Variants in CCDC13 observed in about 807,000 individuals in gnomAD.
CCDC13 encodes the protein coiled-coil domain containing 13.
In CCDC13, 70 loss-of-function variants were observed where a neutral mutation model predicts 87.3. That is an observed-to-expected ratio of 0.80 (90% CI 0.66 to 0.98). The LOEUF (loss-of-function observed/expected upper bound fraction) is 0.98, where lower values mean the gene tolerates loss of function less well. CCDC13 is among the 50% of genes least tolerant of loss of function. The pLI is 0.00. For synonymous variants in CCDC13, 317 were observed against 360.3 expected (o/e 0.88, Z 1.36); for missense variants, 842 against 892.0 (o/e 0.94, Z 0.71).
chr3:42,736,227 A>C (rs1365964832), intron 9 of CCDC13, among the ~76,000 whole-genome samples: 2 of 152,160 alleles, frequency 1.3e-5, no homozygotes, highest in African/African-American at 4.8e-5. Flanking sequence ...TATTTAGCTA[A>C]AAGAAAAGCC....
rs974654289 is a variant in CCDC13 at position 42,717,389 on chromosome 3, G to A, written c.1719-4073C>T. Reference sequence around the variant, plus strand: ...TGCAGTGAGCCGAGATCATGCCATTGCACTCAAGACTCGGCAACAAGCGAG... The same window carrying A: ...TGCAGTGAGCCGAGATCATGCCATTACACTCAAGACTCGGCAACAAGCGAG... On this transcript the variant is annotated intron_variant, in intron 13 of 15. Coordinates refer to ENST00000310232, the MANE Select transcript of CCDC13 (RefSeq NM_144719.4). 2.1e-4 allele frequency among the ~76,000 whole-genome samples: 31 copies of A among 145,238 alleles called. 1 individual carries two copies. The highest frequency in any genetic ancestry group is 1.9e-3 in the South Asian group (9 of 4,652).
At chr3:42,766,370 G>C (rs796197295) in intron 1 of CCDC13, among the ~76,000 whole-genome samples, 8 of 143,196 alleles carry the variant, frequency 5.6e-5, no homozygotes, top group African/African-American at 2.1e-4. Flanking sequence ...GAGAGGGAAG[G>C]AGAGGGAAGA....
At chr3:42,736,784 G>A (rs1033778750) in intron 9 of CCDC13, among the ~76,000 whole-genome samples, 7 of 152,000 alleles carry the variant, frequency 4.6e-5, no homozygotes, top group South Asian at 2.1e-4. Flanking sequence ...ATGATCACCC[G>A]CCCCGGGCCT....
chr3:42,749,199 C>T (rs1039915626), intron 5 of CCDC13, among the ~76,000 whole-genome samples: 1 of 152,168 alleles, frequency 6.6e-6, no homozygotes, highest in African/African-American at 2.4e-5. Context: ...GGAAGCAACA[C>T]CCCTCCACCC....
intron 1 of CCDC13, among the ~76,000 whole-genome samples, chr3:42,759,470 C>T (rs962240457): frequency 9.9e-5 from 15 of 152,218 alleles, no homozygotes; most frequent in African/African-American, 3.6e-4. Flanking sequence ...ATCCCAATCC[C>T]AGGCAAACTC....
chr3:42,727,742 A>G (rs1201682866), intron 13 of CCDC13, among the ~76,000 whole-genome samples: 1 of 152,212 alleles, frequency 6.6e-6, no homozygotes, highest in African/African-American at 2.4e-5. Context: ...AGCAAAACCA[A>G]CTAACTTTAG....
rs1698231103 is a variant in CCDC13 at position 42,708,647 on chromosome 3, G to A, written c.*333C>T. On this transcript the variant is annotated 3_prime_UTR_variant, in exon 16 of 16. Coordinates refer to ENST00000310232, the MANE Select transcript of CCDC13 (RefSeq NM_144719.4). ...ATCCAGGGCTAGTACCTAGGATGAG[G>A]GCGATGAACACCTGCCCGAGGGACT... The A allele has an allele frequency of 4.5e-6, 1 of 223,858 alleles. No homozygotes were observed. The highest frequency in any genetic ancestry group is 1.3e-4 in the East Asian group (1 of 7,892). 13.9% of individuals were successfully genotyped at this position (223,858 alleles called of 1,614,324 possible).
rs1453719545 is a variant in CCDC13 at position 42,757,126 on chromosome 3, T to C, written c.310A>G (p.Arg104Gly). The change falls in exon 3 of 16, where the codon AGG (arginine) becomes GGG (glycine). Residue 104 changes from arginine to glycine, a missense_variant. By Grantham distance (125) the Arg-to-Gly change is moderately radical. Transcript: ENST00000310232. ...NGRLYKLLKE[R>G]DFEIKHLKKK... ...TTGAGGTGTTTGATTTCAAAGTCCC[T>C]TTCCTTCAGCAGCTTATACAATCGC... 6.2e-7 allele frequency: 1 copy of C among 1,614,116 alleles called. No homozygotes were observed. The highest frequency in any genetic ancestry group is 1.3e-5 in the African/African-American group (1 of 74,942).
At chr3:42,738,337 G>C (rs920531401) in intron 9 of CCDC13, among the ~76,000 whole-genome samples, 6 of 152,182 alleles carry the variant, frequency 3.9e-5, no homozygotes, top group African/African-American at 1.4e-4. Context: ...TTTGAAGTCA[G>C]GTACTATGAT....
chr3:42,711,919 G>C (rs1377039118), intron 14 of CCDC13, among the ~76,000 whole-genome samples: 1 of 152,180 alleles, frequency 6.6e-6, no homozygotes, highest in African/African-American at 2.4e-5. Flanking sequence ...CTGGTTGGAA[G>C]TCCTGCTGCC....
chr3:42,759,123 C>T (rs539062646), intron 1 of CCDC13, among the ~76,000 whole-genome samples: 20 of 152,248 alleles, frequency 1.3e-4, no homozygotes, highest in Admixed American at 1.2e-3. Flanking sequence ...GAGTTTGAGA[C>T]CAGCCTGTAT....
rs768639308 is a variant in CCDC13 at position 42,757,104 on chromosome 3, A to G, written c.332T>C (p.Leu111Pro). 1.9e-6 allele frequency: 3 copies of G among 1,613,958 alleles called. No homozygotes were observed. Among genetic ancestry groups the G allele is most frequent in the Non-Finnish European group, 2.5e-6 (3 of 1,180,006 alleles). ...LKERDFEIKH[L>P]KKKIEEDRFA... is the part of the protein sequence containing the mutation. ...TCTGTCCTCTTCTATTTTCTTTTTG[A>G]GGTGTTTGATTTCAAAGTCCCTTTC... Residue 111 changes from leucine (L) to proline (P), a missense_variant, in exon 3 of 16, where the codon CTC (leucine) becomes CCC (proline). By Grantham distance (98) the Leu-to-Pro change is moderately conservative (BLOSUM62 -3). Transcript: ENST00000310232.
At chr3:42,715,903 T>C (rs1423345265) in intron 13 of CCDC13, among the ~76,000 whole-genome samples, 1 of 152,204 alleles carries the variant, frequency 6.6e-6, no homozygotes, top group Non-Finnish European at 1.5e-5. Context: ...GGCACCTTGA[T>C]ATTGGACTTC....
At position 42,752,007 on chromosome 3, in the gene CCDC13, T is replaced by A; in HGVS notation, c.532A>T (p.Arg178Trp). Residue 178 changes from arginine to tryptophan, a missense_variant, in exon 5 of 16, where the codon AGG (arginine) becomes TGG (tryptophan). Arg to Trp is a moderately radical substitution (Grantham distance 101). Coordinates refer to ENST00000310232, the MANE Select transcript of CCDC13 (RefSeq NM_144719.4). The part of the protein sequence containing the change: ...LERELQTALT[R>W]LSAKGATDAG... ...TCGGTGGCCCCCTTGGCTGACAGCC[T>A]GGTCAGGGCTGTCTGCAGCTGAAAA... 6.2e-7 allele frequency: 1 copy of A among 1,607,606 alleles called. No homozygotes were observed. The highest frequency in any genetic ancestry group is 8.5e-7 in the Non-Finnish European group (1 of 1,179,948).
chr3:42,714,869 A>G (rs1698392806), intron 13 of CCDC13, among the ~76,000 whole-genome samples: 1 of 152,264 alleles, frequency 6.6e-6, no homozygotes, highest in Non-Finnish European at 1.5e-5. Flanking sequence ...AACAACCTAA[A>G]GGCCCATCAT....
Position 42,772,299 on chromosome 3 carries a change from A to AATAAT in CCDC13, c.-7+876_-7+877insATTAT, listed in dbSNP as rs143151596. Among the ~76,000 whole-genome samples the AATAAT allele has an allele frequency of 5.1e-4, 75 of 147,266 alleles. No homozygotes were observed. The East Asian group carries it at 0.013, about 25-fold the overall frequency. On this transcript the variant is annotated intron_variant, in intron 1 of 15. Coordinates refer to ENST00000310232, the MANE Select transcript of CCDC13 (RefSeq NM_144719.4). The stretch of plus-strand genomic sequence containing the variant: ...AAAAAAAAAAAAAAAAAGTAATAAT[A>AATAAT]AAAAAAATAAAGTAAAGGCTAGAGC...
intron 12 of CCDC13, among the ~76,000 whole-genome samples, chr3:42,732,150 G>A (rs1227597177): frequency 6.6e-6 from 1 of 152,222 alleles, no homozygotes; most frequent in East Asian, 1.9e-4. Flanking sequence ...CTCCCCAAGT[G>A]CCTTTATGAC....
At chr3:42,722,570 A>T (rs545200432) in intron 13 of CCDC13, among the ~76,000 whole-genome samples, 1 of 152,228 alleles carries the variant, frequency 6.6e-6, no homozygotes, top group South Asian at 2.1e-4. Flanking sequence ...TGGCAATGAG[A>T]CTGACCTCTG....
intron 14 of CCDC13, among the ~76,000 whole-genome samples, chr3:42,711,320 C>G (rs1378013759): frequency 6.6e-6 from 1 of 150,526 alleles, no homozygotes; most frequent in Non-Finnish European, 1.5e-5. Flanking sequence ...CATCAGAAAA[C>G]CTCGGGACTG....
Sources: allele counts gnomAD v4.1 joint callset (sites outside exome capture counted in the v4.1 genomes callset), GRCh38; gene constraint gnomAD v4.1.1; transcripts MANE v1.5; gene names NCBI Gene and HGNC (gene_info 2026-07-23, HGNC 2026-07-21).